CCN4: variants seen among roughly 807,000 people sequenced by gnomAD.
CCN4 encodes the protein cellular communication network factor 4.
Under a neutral mutation model 36.7 loss-of-function variants are expected in CCN4, and 30 were observed. That is an observed-to-expected ratio of 0.82 (90% confidence interval 0.61 to 1.11). The LOEUF is 1.11. CCN4 is among the 50% of genes least tolerant of loss of function. The probability of loss-of-function intolerance (pLI) is 0.00; values close to 1 mark genes in which losing one functional copy is unlikely to be tolerated. For synonymous variants in CCN4, 191 were observed against 195.4 expected (o/e 0.98, Z 0.19); for missense variants, 505 against 504.9 (o/e 1.00, Z 0.00).
At position 133,212,858 on chromosome 8, in the gene CCN4, C is replaced by A. The variant is rs1260048415; in HGVS notation, c.70-6C>A. The A allele has an allele frequency of 3.2e-6, 5 of 1,567,158 alleles. No individual in the cohort carries two copies. The highest frequency in any genetic ancestry group is 1.2e-5 in the South Asian group (1 of 86,178). On this transcript the variant is annotated splice_region_variant and splice_polypyrimidine_tract_variant and intron_variant, in intron 1 of 4. Coordinates refer to ENST00000250160, the MANE Select transcript of CCN4 (RefSeq NM_003882.4). ...GCCCCCCTTTCCCTCTGCCCTCCCCCCGCAGGCCCTCTCTCCAGCCCCTAC... is the reference window on the plus strand; with the variant it reads ...GCCCCCCTTTCCCTCTGCCCTCCCCACGCAGGCCCTCTCTCCAGCCCCTAC...
chr8:133,210,635 A>C (rs1183988921), intron 1 of CCN4, among the ~76,000 whole-genome samples: 1 of 152,046 alleles, frequency 6.6e-6, no homozygotes. Flanking sequence ...TTTTTTGGCC[A>C]TTCTGGTGTC....
intron 2 of CCN4, among the ~76,000 whole-genome samples, chr8:133,214,449 A>T (rs1854240151): frequency 6.6e-6 from 1 of 151,276 alleles, no homozygotes; most frequent in Non-Finnish European, 1.5e-5. Flanking sequence ...TGGACTTTCT[A>T]ATGGCCTTTG....
intron 1 of CCN4, among the ~76,000 whole-genome samples, chr8:133,207,026 G>C (rs1458705011): frequency 6.6e-6 from 1 of 152,228 alleles, no homozygotes; most frequent in Non-Finnish European, 1.5e-5. Flanking sequence ...CTCAGGGAGA[G>C]GTGGAGAGTG....
Position 133,227,505 on chromosome 8 carries a change from A to G in CCN4, c.899A>G (p.Tyr300Cys). 1 of 1,614,180 alleles carries G rather than the reference A, an allele frequency of 6.2e-7. No homozygotes were observed. The highest frequency in any genetic ancestry group is 8.5e-7 in the Non-Finnish European group (1 of 1,180,012). ...CISTRSYQPK[Y>C]CGVCMDNRCC... ...AGCACACGCTCCTATCAACCCAAGT[A>G]CTGTGGAGTTTGCATGGACAATAGG... is the stretch of plus-strand genomic sequence containing the variant. Residue 300 changes from tyrosine to cysteine, a missense_variant, in exon 5 of 5, where the codon TAC becomes TGC. By Grantham distance (194) the Tyr-to-Cys change is radical (BLOSUM62 -2). Coordinates refer to ENST00000250160, the MANE Select transcript of CCN4 (RefSeq NM_003882.4).
chr8:133,193,858 C>T (rs192677118), intron 1 of CCN4, among the ~76,000 whole-genome samples: 1 of 152,266 alleles, frequency 6.6e-6, no homozygotes, highest in Non-Finnish European at 1.5e-5. Context: ...TAGTCCCTGC[C>T]CGACAGAGTT....
At chr8:133,191,278 TG>T in intron 1 of CCN4, 65 bp downstream of exon 1, 1 of 1,514,974 alleles carries the variant, frequency 6.6e-7, no homozygotes, top group Non-Finnish European at 8.9e-7. Context: ...TCCTGCTACA[TG>T]GGGGCTGGTG....
chr8:133,224,866 C>T (rs1179367911), intron 3 of CCN4, among the ~76,000 whole-genome samples: 11 of 150,586 alleles, frequency 7.3e-5, no homozygotes, highest in South Asian at 2.1e-4. Flanking sequence ...ACCCAGGAGG[C>T]GGAGGTTGCA....
chr8:133,197,876 G>T (rs947927524), intron 1 of CCN4, among the ~76,000 whole-genome samples: 1 of 152,190 alleles, frequency 6.6e-6, no homozygotes, highest in African/African-American at 2.4e-5. Flanking sequence ...TGTGCTATGA[G>T]CCTGCCCATG....
rs142394577 is a variant in CCN4 at position 133,228,078 on chromosome 8, CA to C, written c.*370del. 7.3e-3 allele frequency: 1,429 copies of C among 194,454 alleles called. 16 individuals are homozygous for C. The highest frequency in any genetic ancestry group is 0.031 in the African/African-American group (1,341 of 42,846). 12.0% of individuals were successfully genotyped at this position (194,454 alleles called of 1,614,324 possible). ...AATTTCTTCTTTAGATGCCAAACCA[CA>C]AGACTCTTTGGGTCCATTCAGATGA... On this transcript the variant is annotated 3_prime_UTR_variant, in exon 5 of 5. Coordinates refer to ENST00000250160, the MANE Select transcript of CCN4 (RefSeq NM_003882.4).
In CCN4 at chr8:133,220,644, C is replaced by G. The variant is rs564097534; in HGVS notation, c.413C>G (p.Pro138Arg). The G allele has an allele frequency of 1.2e-6, 2 of 1,614,106 alleles. No individual in the cohort carries two copies. The highest frequency in any genetic ancestry group is 2.7e-5 in the African/African-American group (2 of 74,958). Reference sequence around the variant, plus strand: ...TACAACAACGGCCAGTCCTTCCAGCCTAACTGCAAGTACAACTGCACGTGC... The same window carrying G: ...TACAACAACGGCCAGTCCTTCCAGCGTAACTGCAAGTACAACTGCACGTGC... Reference protein sequence around the residue: ...VRYNNGQSFQPNCKYNCTCID... With the variant: ...VRYNNGQSFQRNCKYNCTCID... Residue 138 changes from proline (P) to arginine (R), a missense_variant, in exon 3 of 5, where the codon CCT becomes CGT. Transcript: ENST00000250160.
intron 1 of CCN4, among the ~76,000 whole-genome samples, chr8:133,199,050 G>C (rs1306817367): frequency 2.0e-5 from 3 of 152,226 alleles, no homozygotes; most frequent in Non-Finnish European, 4.4e-5. Flanking sequence ...GGCTGGGAGG[G>C]AACACCACTG....
intron 3 of CCN4, among the ~76,000 whole-genome samples, chr8:133,224,229 CTT>C (rs59929763): frequency 0.24 from 21,001 of 88,110 alleles, 6,893 homozygotes; most frequent in Admixed American, 0.28. Context: ...CCCGTAAGTC[CTT>C]TTTTTTTTTT....
chr8:133,206,547 G>T (rs978224345), intron 1 of CCN4, among the ~76,000 whole-genome samples: 1 of 152,202 alleles, frequency 6.6e-6, no homozygotes. Flanking sequence ...CAAAGCAAAG[G>T]ACAGGTAGAG....
At chr8:133,205,820 G>C (rs1853752677) in intron 1 of CCN4, among the ~76,000 whole-genome samples, 2 of 152,054 alleles carry the variant, frequency 1.3e-5, no homozygotes, top group Non-Finnish European at 2.9e-5. Flanking sequence ...GCCTTTTTTT[G>C]TATTGTTTAG....
chr8:133,191,412 G>A (rs535144555), intron 1 of CCN4, among the ~76,000 whole-genome samples, 199 bp downstream of exon 1: 7 of 152,246 alleles, frequency 4.6e-5, no homozygotes, highest in African/African-American at 9.6e-5. Context: ...TGAGGAGGAC[G>A]GTGCGACACT....
chr8:133,194,215 CTG>C (rs1179752636), intron 1 of CCN4, among the ~76,000 whole-genome samples: 1 of 151,562 alleles, frequency 6.6e-6, no homozygotes, highest in Admixed American at 6.6e-5. Flanking sequence ...CATAGCTGCA[CTG>C]TGTGTGTGTG....
Position 133,220,585 on chromosome 8 carries a change from G to A in CCN4, c.354G>A (p.Val118=). Residue 118 remains valine, a synonymous_variant, in exon 3 of 5, where the codon GTG becomes GTA. Transcript: ENST00000250160. ...PRYAIGVCAQ[V]VGVGCVLDGV... ...ACCGGCCACCTGTGTTTGCAGAGGT[G>A]GTCGGTGTGGGCTGCGTCCTGGATG... 2 of 1,612,042 alleles carry A rather than the reference G, an allele frequency of 1.2e-6. No homozygotes were observed. The highest frequency in any genetic ancestry group is 2.2e-5 in the South Asian group (2 of 91,026).
At chr8:133,207,188 C>T (rs1487941369) in intron 1 of CCN4, among the ~76,000 whole-genome samples, 1 of 152,242 alleles carries the variant, frequency 6.6e-6, no homozygotes, top group Non-Finnish European at 1.5e-5. Context: ...TGAGGCCCCT[C>T]CCAACCCTCA....
chr8:133,194,799 G>GT (rs1853304184), intron 1 of CCN4, among the ~76,000 whole-genome samples: 1 of 115,466 alleles, frequency 8.7e-6, no homozygotes, highest in African/African-American at 3.3e-5. Context: ...GTGTGTGTGT[G>GT]GTGTTTATTG....
Sources: allele counts gnomAD v4.1 joint callset (sites outside exome capture counted in the v4.1 genomes callset), GRCh38; gene constraint gnomAD v4.1.1; transcripts MANE v1.5; gene names NCBI Gene and HGNC (gene_info 2026-07-23, HGNC 2026-07-21).